The following YTHDF3 variants were observed in gnomAD, a reference collection of about 807,000 sequenced individuals.
The protein encoded by YTHDF3 is YTH domain-containing family protein 3.
In YTHDF3, 9 loss-of-function variants were observed where a neutral mutation model predicts 52.5. That is an observed-to-expected ratio of 0.17 (90% CI 0.10 to 0.30). The LOEUF (loss-of-function observed/expected upper bound fraction) is 0.30, where lower values mean the gene tolerates loss of function less well. YTHDF3 is among the 10% of genes least tolerant of loss of function. The pLI, the probability that YTHDF3 is intolerant of heterozygous loss-of-function variation, is 1.00. For synonymous variants in YTHDF3, 274 were observed against 243.3 expected (o/e 1.13, Z -1.18); for missense variants, 534 against 715.0 (o/e 0.75, Z 2.89).
intron 3 of YTHDF3, among the ~76,000 whole-genome samples, chr8:63,185,940 T>C (rs1319980366): frequency 6.6e-6 from 1 of 152,272 alleles, no homozygotes; most frequent in Non-Finnish European, 1.5e-5. Context: ...ATAGGTTAGT[T>C]TGTAAGAAAT....
At chr8:63,169,653 T>C (rs1307536706) in intron 2 of YTHDF3, among the ~76,000 whole-genome samples, 1 of 152,218 alleles carries the variant, frequency 6.6e-6, no homozygotes, top group Non-Finnish European at 1.5e-5. Flanking sequence ...TAAGCAGGTA[T>C]TGGTGTGAAC....
intron 4 of YTHDF3, among the ~76,000 whole-genome samples, chr8:63,199,118 A>G (rs189832368): frequency 1.8e-4 from 28 of 152,342 alleles, no homozygotes; most frequent in Admixed American, 6.5e-4. Context: ...GGGTGCTTCA[A>G]TTAACATATT....
At chr8:63,191,816 G>A (rs1041742667) in intron 4 of YTHDF3, among the ~76,000 whole-genome samples, 6 of 151,976 alleles carry the variant, frequency 3.9e-5, no homozygotes, top group South Asian at 2.1e-4. Flanking sequence ...CATCTATGTC[G>A]TTGTGTAACT....
chr8:63,194,506 A>C (rs1055635683), intron 4 of YTHDF3, among the ~76,000 whole-genome samples: 1 of 152,204 alleles, frequency 6.6e-6, no homozygotes, highest in Non-Finnish European at 1.5e-5. Flanking sequence ...AAAAGTAAAA[A>C]AAAAATAAAT....
At position 63,210,723 on chromosome 8, in the gene YTHDF3, A is replaced by T. The variant is rs896430931; in HGVS notation, c.*1017A>T. On this transcript the variant is annotated 3_prime_UTR_variant, in exon 5 of 5. Coordinates refer to ENST00000539294, the MANE Select transcript of YTHDF3 (RefSeq NM_152758.6). ...TACTTTGAAAATATGGCCTTGATCC[A>T]TGGATTAAATCAGTATCTAAGTGAA... The T allele has an allele frequency of 6.6e-6, 1 of 152,556 alleles. No individual in the cohort carries two copies. Among genetic ancestry groups the T allele is most frequent in the Non-Finnish European group, 1.5e-5 (1 of 67,976 alleles). The allele number at this position is 152,556 out of a possible 1,614,324, so 9.5% of individuals were successfully genotyped here. A position where few individuals can be genotyped will look rare whatever the true frequency, so the allele number is the denominator to read the frequency against.
intron 4 of YTHDF3, among the ~76,000 whole-genome samples, chr8:63,191,827 C>T: frequency 6.6e-6 from 1 of 152,092 alleles, no homozygotes; most frequent in East Asian, 1.9e-4. Flanking sequence ...TTGTGTAACT[C>T]AATTCTTTGT....
intron 4 of YTHDF3, among the ~76,000 whole-genome samples, chr8:63,189,302 C>G (rs1163726080): frequency 6.6e-6 from 1 of 152,138 alleles, no homozygotes; most frequent in Non-Finnish European, 1.5e-5. Flanking sequence ...GTCAGTTCAA[C>G]TAGGGAAAGT....
chr8:63,177,277 G>T (rs1366015700), intron 3 of YTHDF3, among the ~76,000 whole-genome samples: 1 of 152,160 alleles, frequency 6.6e-6, no homozygotes, highest in Non-Finnish European at 1.5e-5. Flanking sequence ...AGTGGTGGTT[G>T]TGTTCAACCT....
intron 2 of YTHDF3, among the ~76,000 whole-genome samples, chr8:63,171,768 A>G (rs1807343185): frequency 6.6e-6 from 1 of 152,256 alleles, no homozygotes. Context: ...TTCTGAACTT[A>G]GCAAGCTTAT....
At chr8:63,201,138 A>G (rs1313700530) in intron 4 of YTHDF3, among the ~76,000 whole-genome samples, 2 of 152,204 alleles carry the variant, frequency 1.3e-5, no homozygotes, top group Non-Finnish European at 2.9e-5. Context: ...TACAAATTAG[A>G]TATGTTGAAG....
chr8:63,208,327 T>G (rs1045680373), intron 4 of YTHDF3, among the ~76,000 whole-genome samples: 1 of 152,180 alleles, frequency 6.6e-6, no homozygotes, highest in Non-Finnish European at 1.5e-5. Flanking sequence ...AGTTTTTAGG[T>G]GGTGTCACAG....
chr8:63,174,964 C>G (rs544986056), intron 2 of YTHDF3, among the ~76,000 whole-genome samples: 1 of 152,130 alleles, frequency 6.6e-6, no homozygotes, highest in African/African-American at 2.4e-5. Flanking sequence ...TTGCCTACAA[C>G]GCTACTTGAA....
At chr8:63,188,894 AAT>A (rs1808731897) in intron 4 of YTHDF3, 1 of 150,462 alleles carries the variant, frequency 6.6e-6, no homozygotes, top group Admixed American at 6.6e-5. Context: ...TTGTATTTTT[AAT>A]AGAGACGAGT....
At chr8:63,169,501 C>T (rs1446617713) in intron 2 of YTHDF3, 90 bp downstream of exon 2, 2 of 1,388,854 alleles carry the variant, frequency 1.4e-6, no homozygotes, top group Non-Finnish European at 2.0e-6. Flanking sequence ...GTTTTTGCTC[C>T]CTCTTGGGAA....
chr8:63,181,107 T>C (rs1808104467), intron 3 of YTHDF3, among the ~76,000 whole-genome samples: 1 of 152,218 alleles, frequency 6.6e-6, no homozygotes, highest in Non-Finnish European at 1.5e-5. Context: ...GCATATAAAT[T>C]TGAAGAATAA....
chr8:63,187,997 CAG>C (rs1808642590), intron 4 of YTHDF3, among the ~76,000 whole-genome samples: 2 of 152,324 alleles, frequency 1.3e-5, no homozygotes, highest in South Asian at 4.1e-4. Flanking sequence ...CATTGGGCCT[CAG>C]TGTTTATCAT....
intron 3 of YTHDF3, among the ~76,000 whole-genome samples, chr8:63,176,822 C>T (rs1245104920): frequency 3.9e-5 from 6 of 152,024 alleles, no homozygotes; most frequent in Non-Finnish European, 7.4e-5. Context: ...GGATTACAGG[C>T]ACATGCCACC....
At chr8:63,172,469 A>T (rs993296118) in intron 2 of YTHDF3, among the ~76,000 whole-genome samples, 2 of 152,164 alleles carry the variant, frequency 1.3e-5, no homozygotes, top group African/African-American at 4.8e-5. Flanking sequence ...GCTAAGTTTT[A>T]ATTTTCGAAA....
chr8:63,170,346 G>A (rs1807239994), intron 2 of YTHDF3, among the ~76,000 whole-genome samples: 1 of 151,838 alleles, frequency 6.6e-6, no homozygotes, highest in Non-Finnish European at 1.5e-5. Flanking sequence ...TTCTTGTTAG[G>A]GTATTTATTT....
Sources: allele counts gnomAD v4.1 joint callset (sites outside exome capture counted in the v4.1 genomes callset), GRCh38; gene constraint gnomAD v4.1.1; transcripts MANE v1.5; gene names NCBI Gene and HGNC (gene_info 2026-07-23, HGNC 2026-07-21).